Variants in SMAD4 observed in about 807,000 individuals in gnomAD.
SMAD4 encodes MAD homolog 4.
SMAD4 carries 7 observed loss-of-function variants against 63.2 expected under a neutral mutation model. The ratio of observed to expected loss-of-function variants is 0.11; its 90% confidence interval spans 0.06 to 0.21. The LOEUF is 0.21. SMAD4 is among the 10% of genes least tolerant of loss of function. SMAD4 has a pLI of 1.00. For synonymous variants in SMAD4, 215 were observed against 235.4 expected (o/e 0.91, Z 0.79); for missense variants, 312 against 693.8 (o/e 0.45, Z 6.18).
chr18:51,061,800 T>G (rs1037596122), intron 8 of SMAD4, among the ~76,000 whole-genome samples: 8 of 152,228 alleles, frequency 5.3e-5, no homozygotes, highest in African/African-American at 1.9e-4. Context: ...ACAGCGCCCA[T>G]AATGATTAAT....
At chr18:51,034,495 C>A (rs113663946) in intron 1 of SMAD4, among the ~76,000 whole-genome samples, 7,500 of 152,234 alleles carry the variant, frequency 0.049, 645 homozygotes, top group African/African-American at 0.17. Context: ...AGGTGATCCA[C>A]CCGCCTCAGC....
At position 51,084,060 on chromosome 18, in the gene SMAD4, C is replaced by T; in HGVS notation, c.*5593C>T. On this transcript the variant is annotated 3_prime_UTR_variant, in exon 12 of 12. Coordinates refer to ENST00000342988, the MANE Select transcript of SMAD4 (RefSeq NM_005359.6). ...CACACACACAGGTCAGAGTTTAAGGCTTTCGAGTCATGACATTCTAGCTTT... is the reference window on the plus strand; with the variant it reads ...CACACACACAGGTCAGAGTTTAAGGTTTTCGAGTCATGACATTCTAGCTTT... 1 of 228,626 alleles carries T rather than the reference C, an allele frequency of 4.4e-6. No homozygotes were observed. The highest frequency in any genetic ancestry group is 6.1e-5 in the East Asian group (1 of 16,268). 14.2% of individuals were successfully genotyped at this position (228,626 alleles called of 1,614,324 possible).
intron 10 of SMAD4, among the ~76,000 whole-genome samples, chr18:51,076,254 G>A (rs78599734): frequency 0.017 from 2,527 of 152,210 alleles, 78 homozygotes; most frequent in African/African-American, 0.055. Flanking sequence ...AGTTGGCCAG[G>A]CGACCAAAGC....
chr18:51,078,108 T>C (rs1910514892), intron 11 of SMAD4, 148 bp from the exon 12 acceptor site: 2 of 716,538 alleles, frequency 2.8e-6, no homozygotes, highest in Admixed American at 4.2e-5. Context: ...AGTTTAGATC[T>C]ACTGTTACTT....
intron 4 of SMAD4, chr18:51,053,455 T>G (rs1909762338): frequency 6.6e-6 from 1 of 152,210 alleles, no homozygotes; most frequent in Non-Finnish European, 1.5e-5. Context: ...GTGTTCAGTT[T>G]TTTTTATTGA....
At chr18:51,060,416 A>G (rs988929371) in intron 8 of SMAD4, among the ~76,000 whole-genome samples, 3 of 152,234 alleles carry the variant, frequency 2.0e-5, no homozygotes, top group African/African-American at 7.2e-5. Context: ...TTGAAACTGT[A>G]GAGGTAATAA....
In SMAD4 at chr18:51,047,205, A is replaced by G. The variant is rs768796731; in HGVS notation, c.159A>G (p.Glu53=). 6.2e-7 allele frequency: 1 copy of G among 1,613,956 alleles called. No individual in the cohort carries two copies. The highest frequency in any genetic ancestry group is 2.2e-5 in the East Asian group (1 of 44,856). Residue 53 remains glutamate, a synonymous_variant, in exon 2 of 12, where the codon GAA becomes GAG. Coordinates refer to ENST00000342988, the MANE Select transcript of SMAD4 (RefSeq NM_005359.6). ...AGAAGCTGAAGGAGAAAAAAGATGAATTGGATTCTTTAATAACAGCTATAA... is the reference window on the plus strand; with the variant it reads ...AGAAGCTGAAGGAGAAAAAAGATGAGTTGGATTCTTTAATAACAGCTATAA... ...LVKKLKEKKD[E]LDSLITAITT...
chr18:51,054,562 A>AT, intron 4 of SMAD4: 1 of 524,884 alleles, frequency 1.9e-6, no homozygotes, highest in Non-Finnish European at 3.4e-6. Context: ...TGAGAGTCAG[A>AT]TTGATTGATA....
intron 1 of SMAD4, among the ~76,000 whole-genome samples, chr18:51,039,208 T>C (rs1909300367): frequency 6.6e-6 from 1 of 152,234 alleles, no homozygotes; most frequent in Non-Finnish European, 1.5e-5. Flanking sequence ...TACTGATTGA[T>C]TGAATTGTTT....
chr18:51,063,269 CCACCAAAACATT>C (rs1203138082), intron 8 of SMAD4, among the ~76,000 whole-genome samples: 1 of 151,892 alleles, frequency 6.6e-6, no homozygotes, highest in African/African-American at 2.4e-5. Flanking sequence ...TTTTTTTTGG[CCACCAAAACATT>C]GGGTAATTGT....
rs537499206 is a variant in SMAD4 at position 51,067,211 on chromosome 18, A to G, written c.1308+24A>G. 2.2e-5 allele frequency: 30 copies of G among 1,344,750 alleles called. No individual in the cohort carries two copies. The Middle Eastern group carries it at 1.1e-3, about 50-fold the overall frequency. The allele number at this position is 1,344,750 out of a possible 1,614,324, so 83.3% of individuals were successfully genotyped here. ...AGGTTAGTTACAATTTTATTTGAATATTTTAGACTTAAAGCTCTATTTGTT... is the reference window on the plus strand; with the variant it reads ...AGGTTAGTTACAATTTTATTTGAATGTTTTAGACTTAAAGCTCTATTTGTT... On this transcript the variant is annotated intron_variant, in intron 10 of 11. Coordinates refer to ENST00000342988, the MANE Select transcript of SMAD4 (RefSeq NM_005359.6).
At position 51,045,399 on chromosome 18, in the gene SMAD4, G is replaced by A. The variant is rs562117452; in HGVS notation, c.-127-1521G>A. Reference sequence around the variant, plus strand: ...CAGTGAACAAATAAAATACAAACAAGCACACAAAGTACAGGCTCCAGTCCT... The same window carrying A: ...CAGTGAACAAATAAAATACAAACAAACACACAAAGTACAGGCTCCAGTCCT... On this transcript the variant is annotated intron_variant, in intron 1 of 11. Transcript: ENST00000342988. Among the ~76,000 whole-genome samples, 6 of 152,210 alleles carry A rather than the reference G, an allele frequency of 3.9e-5. 1 individual carries two copies. In the South Asian group the frequency reaches 1.2e-3, roughly 32 times the overall value.
At chr18:51,031,341 A>G (rs1253057835) in intron 1 of SMAD4, among the ~76,000 whole-genome samples, 2 of 152,218 alleles carry the variant, frequency 1.3e-5, no homozygotes, top group Non-Finnish European at 2.9e-5. Flanking sequence ...TCAAAGACAC[A>G]AGTGTGTTTA....
At chr18:51,045,932 C>T (rs1016500153) in intron 1 of SMAD4, among the ~76,000 whole-genome samples, 9 of 151,992 alleles carry the variant, frequency 5.9e-5, no homozygotes, top group Admixed American at 2.6e-4. Context: ...CATGTGTTTT[C>T]GAGGCTTATC....
chr18:51,059,797 T>C, intron 7 of SMAD4, 69 bp from the exon 8 acceptor site: 1 of 1,136,546 alleles, frequency 8.8e-7, no homozygotes, highest in Non-Finnish European at 1.3e-6. Context: ...TAAGTAAGAT[T>C]TACTGAAAGT....
intron 9 of SMAD4, chr18:51,066,753 A>G (rs1453856282): frequency 5.3e-6 from 2 of 376,186 alleles, no homozygotes; most frequent in East Asian, 5.5e-5. Context: ...AAATTAGAAT[A>G]ATAGTACTTG....
chr18:51,042,289 C>CTCCCTCCCTCCT (rs1269398672), intron 1 of SMAD4, among the ~76,000 whole-genome samples: 1 of 69,176 alleles, frequency 1.4e-5, no homozygotes, highest in Admixed American at 1.6e-4. Flanking sequence ...GCCTGCCTGC[C>CTCCCTCCCTCCT]TCCCTCCCTC....
chr18:51,064,973 C>T (rs982517128), intron 8 of SMAD4, among the ~76,000 whole-genome samples: 2 of 152,138 alleles, frequency 1.3e-5, no homozygotes, highest in African/African-American at 4.8e-5. Flanking sequence ...TGGAATACAT[C>T]TTAGGGTCAG....
At chr18:51,076,130 A>G (rs1910465839) in intron 10 of SMAD4, among the ~76,000 whole-genome samples, 1 of 152,142 alleles carries the variant, frequency 6.6e-6, no homozygotes, top group Non-Finnish European at 1.5e-5. Context: ...CCTGGATATT[A>G]TTTTGCTTCT....
Sources: gnomAD v4.1 joint callset for allele counts (sites outside exome capture counted in the v4.1 genomes callset) on GRCh38, gnomAD v4.1.1 for gene constraint, MANE v1.5 for transcripts, NCBI Gene and HGNC (gene_info 2026-07-23, HGNC 2026-07-21) for gene names.